PPP3CA: variants seen among roughly 807,000 people sequenced by gnomAD.
PPP3CA encodes the protein protein phosphatase 3 catalytic subunit alpha.
PPP3CA carries 14 observed loss-of-function variants against 66.5 expected under a neutral mutation model. The observed-to-expected ratio is 0.21, with a 90% CI of 0.14 to 0.33. The LOEUF is 0.33. Ranked by LOEUF, PPP3CA falls within the 10% of genes least tolerant of loss-of-function variation. PPP3CA has a pLI of 1.00. For synonymous variants in PPP3CA, 232 were observed against 226.2 expected (o/e 1.03, Z -0.23); for missense variants, 317 against 639.5 (o/e 0.50, Z 5.44).
intron 10 of PPP3CA, among the ~76,000 whole-genome samples, chr4:101,045,116 G>A (rs534123148): frequency 6.6e-6 from 1 of 152,312 alleles, no homozygotes; most frequent in African/African-American, 2.4e-5. Flanking sequence ...GTTATGTAGA[G>A]TACAAATTAC....
rs969268836 is a variant in PPP3CA, at chr4:101,024,882, C to T, written c.*983G>A. 6.6e-6 allele frequency: 1 copy of T among 151,824 alleles called. No homozygotes were observed. The highest frequency in any genetic ancestry group is 2.4e-5 in the African/African-American group (1 of 41,156). 9.4% of individuals were successfully genotyped at this position (151,824 alleles called of 1,614,324 possible). On this transcript the variant is annotated 3_prime_UTR_variant, in exon 14 of 14. Transcript: ENST00000394854. ...CCAGTATATGTCAGACCACTAAGCG[C>T]ATTACAGTCCCATACAGGCCGATAC...
chr4:101,055,315 C>A (rs1728180866), intron 10 of PPP3CA, among the ~76,000 whole-genome samples: 2 of 152,076 alleles, frequency 1.3e-5, no homozygotes, highest in African/African-American at 4.8e-5. Flanking sequence ...CATTAATGAG[C>A]ATTATCTGCC....
At chr4:101,223,451 A>T (rs1454171789) in intron 1 of PPP3CA, among the ~76,000 whole-genome samples, 2 of 151,832 alleles carry the variant, frequency 1.3e-5, no homozygotes, top group African/African-American at 4.8e-5. Flanking sequence ...TGGCAAAATC[A>T]TCATTCCACT....
intron 10 of PPP3CA, among the ~76,000 whole-genome samples, chr4:101,057,579 A>T (rs1335299594): frequency 6.6e-6 from 1 of 152,214 alleles, no homozygotes; most frequent in Non-Finnish European, 1.5e-5. Context: ...AAGTGTGGGC[A>T]GACAATACCA....
chr4:101,156,761 G>C (rs1012538707), intron 2 of PPP3CA, among the ~76,000 whole-genome samples: 11 of 152,156 alleles, frequency 7.2e-5, no homozygotes, highest in Non-Finnish European at 1.5e-4. Flanking sequence ...GTTTATGAAG[G>C]AGAACAGGAG....
intron 1 of PPP3CA, among the ~76,000 whole-genome samples, chr4:101,245,988 C>T (rs551203581): frequency 6.6e-6 from 1 of 151,188 alleles, no homozygotes; most frequent in Non-Finnish European, 1.5e-5. Context: ...CATGTTGTCT[C>T]TCCACCTATC....
At chr4:101,269,628 T>C (rs1330004203) in intron 1 of PPP3CA, among the ~76,000 whole-genome samples, 1 of 149,620 alleles carries the variant, frequency 6.7e-6, no homozygotes, top group African/African-American at 2.5e-5. Flanking sequence ...CCCCAGAACC[T>C]GGAAAACATC....
intron 1 of PPP3CA, among the ~76,000 whole-genome samples, chr4:101,340,826 A>T (rs1729790592): frequency 6.6e-6 from 1 of 152,166 alleles, no homozygotes; most frequent in Admixed American, 6.5e-5. Context: ...TCAAATCTGA[A>T]GATTTTGTTT....
At chr4:101,057,937 T>C (rs1728297001) in intron 10 of PPP3CA, among the ~76,000 whole-genome samples, 1 of 152,080 alleles carries the variant, frequency 6.6e-6, no homozygotes, top group African/African-American at 2.4e-5. Flanking sequence ...TCCTCATCTC[T>C]TTCTTCCTCC....
At chr4:101,319,970 CTATA>C (rs1728989988) in intron 1 of PPP3CA, among the ~76,000 whole-genome samples, 1 of 152,052 alleles carries the variant, frequency 6.6e-6, no homozygotes, top group South Asian at 2.1e-4. Context: ...ATTTTGAAGA[CTATA>C]TAAGATATTG....
intron 10 of PPP3CA, among the ~76,000 whole-genome samples, chr4:101,058,968 C>T (rs1270589850): frequency 6.6e-6 from 1 of 152,092 alleles, no homozygotes; most frequent in Non-Finnish European, 1.5e-5. Context: ...ATCATAAATA[C>T]TGGCCAGTGG....
At chr4:101,126,405 A>G (rs1015923557) in intron 2 of PPP3CA, among the ~76,000 whole-genome samples, 1 of 152,216 alleles carries the variant, frequency 6.6e-6, no homozygotes, top group Admixed American at 6.5e-5. Context: ...TAAGTTAAGT[A>G]CAATTTCCAT....
chr4:101,189,049 T>C (rs2110183039), intron 2 of PPP3CA, among the ~76,000 whole-genome samples: 1 of 152,230 alleles, frequency 6.6e-6, no homozygotes, highest in African/African-American at 2.4e-5. Flanking sequence ...CCAAACAGAC[T>C]TGGGTGTTCG....
At chr4:101,172,171 T>A (rs1723904904) in intron 2 of PPP3CA, among the ~76,000 whole-genome samples, 1 of 152,116 alleles carries the variant, frequency 6.6e-6, no homozygotes, top group Non-Finnish European at 1.5e-5. Flanking sequence ...GGTATTATTA[T>A]CCTATTGTAA....
chr4:101,202,722 T>C (rs1280020563), intron 1 of PPP3CA, among the ~76,000 whole-genome samples: 2 of 152,256 alleles, frequency 1.3e-5, no homozygotes, highest in African/African-American at 4.8e-5. Flanking sequence ...TATGGTTAAA[T>C]ATTAGACTTG....
At chr4:101,309,828 C>T (rs1017766171) in intron 1 of PPP3CA, among the ~76,000 whole-genome samples, 1 of 152,156 alleles carries the variant, frequency 6.6e-6, no homozygotes, top group Non-Finnish European at 1.5e-5. Context: ...TATTCTTATA[C>T]AACTTAATAA....
intron 1 of PPP3CA, among the ~76,000 whole-genome samples, chr4:101,319,707 A>C (rs1728982451): frequency 6.6e-6 from 1 of 152,180 alleles, no homozygotes; most frequent in South Asian, 2.1e-4. Flanking sequence ...GATATTTAGA[A>C]GATGTTTTAG....
chr4:101,326,277 T>A (rs1392492256), intron 1 of PPP3CA, among the ~76,000 whole-genome samples: 2 of 152,366 alleles, frequency 1.3e-5, no homozygotes, highest in African/African-American at 4.8e-5. Flanking sequence ...TGTTCTGTTT[T>A]TCAATTCCAG....
At chr4:101,189,321 A>T (rs1055514553) in intron 2 of PPP3CA, among the ~76,000 whole-genome samples, 2 of 152,162 alleles carry the variant, frequency 1.3e-5, no homozygotes, top group Non-Finnish European at 2.9e-5. Context: ...TAATATCCAC[A>T]AAACCATAAT....
Sources: allele counts gnomAD v4.1 joint callset (sites outside exome capture counted in the v4.1 genomes callset), GRCh38; gene constraint gnomAD v4.1.1; transcripts MANE v1.5; gene names NCBI Gene and HGNC (gene_info 2026-07-23, HGNC 2026-07-21).